The following WIPI2 variants were observed in gnomAD, a reference collection of about 807,000 sequenced individuals.
The protein encoded by WIPI2 is WD repeat domain, phosphoinositide interacting 2.
WIPI2 carries 28 observed loss-of-function variants against 52.3 expected under a neutral mutation model. The observed-to-expected ratio is 0.54, with a 90% CI of 0.40 to 0.73. The LOEUF (loss-of-function observed/expected upper bound fraction) is 0.73, where lower values mean the gene tolerates loss of function less well. Among genes scored for constraint, WIPI2 ranks in the 30% least tolerant of loss-of-function variants. The pLI is 0.00. For missense variants in WIPI2, 506 were observed against 602.9 expected (o/e 0.84, Z 1.68); for synonymous variants, 268 against 245.0 (o/e 1.09, Z -0.88).
At chr7:5,198,345 G>T (rs1274846406) in intron 2 of WIPI2, among the ~76,000 whole-genome samples, 3 of 149,216 alleles carry the variant, frequency 2.0e-5, no homozygotes, top group African/African-American at 5.0e-5. Context: ...TTGGAGTCTC[G>T]CTCTATCACC....
chr7:5,192,972 T>C (rs1018461002), intron 1 of WIPI2, 146 bp from the exon 2 acceptor site: 10 of 707,958 alleles, frequency 1.4e-5, no homozygotes, highest in Non-Finnish European at 2.1e-5. Context: ...ATTTGTTACA[T>C]ACCAAACTAT....
intron 7 of WIPI2, 105 bp from the exon 8 acceptor site, chr7:5,222,497 C>G: frequency 8.3e-7 from 1 of 1,199,130 alleles, no homozygotes; most frequent in Non-Finnish European, 1.2e-6. Context: ...CAGGGCAGAG[C>G]TGTCCTGGAG....
At position 5,190,315 on chromosome 7, in the gene WIPI2, G is replaced by A; in HGVS notation, c.-105G>A. The A allele has an allele frequency of 1.4e-6, 1 of 707,474 alleles. No homozygotes were observed. Among genetic ancestry groups the A allele is most frequent in the African/African-American group, 1.9e-5 (1 of 52,958 alleles). The allele number at this position is 707,474 out of a possible 1,614,324, so 43.8% of individuals were successfully genotyped here. ...GTTGATCCCAGGGTGGCGAGTGGCG[G>A]CGACCGAGGCGGCGAGCGGGGCCCG... On this transcript the variant is annotated 5_prime_UTR_variant, in exon 1 of 13. Transcript: ENST00000288828.
At chr7:5,202,970 G>A (rs1047450806) in intron 3 of WIPI2, among the ~76,000 whole-genome samples, 3 of 152,116 alleles carry the variant, frequency 2.0e-5, no homozygotes, top group Admixed American at 2.0e-4. Flanking sequence ...TGCTAAACTG[G>A]ATTCTGAGCT....
At chr7:5,208,662 T>C (rs1183137833) in intron 3 of WIPI2, among the ~76,000 whole-genome samples, 1 of 152,210 alleles carries the variant, frequency 6.6e-6, no homozygotes, top group Non-Finnish European at 1.5e-5. Context: ...TATTCCATCA[T>C]CATTTGTTGA....
rs1350955561 is a variant in WIPI2, at chr7:5,190,440, CG to C, written c.25del (p.Glu9ArgfsTer19). On this transcript the variant is annotated frameshift_variant, in exon 1 of 13. Coordinates refer to ENST00000288828, the MANE Select transcript of WIPI2 (RefSeq NM_015610.4). LOFTEE classifies it high-confidence loss of function. Reference protein sequence around the residue: MNLASQSGEAGAGQLLFA... With the variant: MNLASQSXEAGAGQLLFA... ...CAGCCATGAACCTGGCGAGCCAGAG[CG>C]GGGAGGCCGGCGCCGGCCAGCTGCT... 6.8e-7 allele frequency: 1 copy of C among 1,479,234 alleles called. No homozygotes were observed. Among genetic ancestry groups the C allele is most frequent in the Non-Finnish European group, 9.0e-7 (1 of 1,111,960 alleles). 91.6% of individuals were successfully genotyped at this position (1,479,234 alleles called of 1,614,324 possible). A position where few individuals can be genotyped will look rare whatever the true frequency, so the allele number is the denominator to read the frequency against.
chr7:5,215,412 A>G (rs1782765009), intron 4 of WIPI2, among the ~76,000 whole-genome samples: 1 of 152,282 alleles, frequency 6.6e-6, no homozygotes, highest in Non-Finnish European at 1.5e-5. Flanking sequence ...CTAAACTAAT[A>G]AGACTGTCTG....
rs574062937 is a variant in WIPI2 at position 5,223,873 on chromosome 7, C to A, written c.740+1201C>A. Among the ~76,000 whole-genome samples the A allele has an allele frequency of 1.4e-3, 212 of 152,348 alleles. No individual in the cohort carries two copies. The Middle Eastern group carries it at 0.017, about 12-fold the overall frequency. ...CATCCTTCCGCCTGAATGGTGCCTC[C>A]AGGGAGCTCCCACCTGTGGGCCCGC... is the stretch of plus-strand genomic sequence containing the variant. On this transcript the variant is annotated intron_variant, in intron 8 of 12. Coordinates refer to ENST00000288828, the MANE Select transcript of WIPI2 (RefSeq NM_015610.4).
At chr7:5,200,570 T>TC (rs397715687) in intron 3 of WIPI2, among the ~76,000 whole-genome samples, 1 of 151,718 alleles carries the variant, frequency 6.6e-6, no homozygotes, top group Admixed American at 6.6e-5. Flanking sequence ...TGTTTTTTTT[T>TC]GAGACGGAGT....
At chr7:5,214,897 G>A (rs1009359075) in intron 4 of WIPI2, among the ~76,000 whole-genome samples, 193 bp downstream of exon 4, 1 of 152,164 alleles carries the variant, frequency 6.6e-6, no homozygotes, top group African/African-American at 2.4e-5. Flanking sequence ...TTCCATTCAC[G>A]ACAAATGCCC....
In WIPI2 at chr7:5,227,084, G is replaced by C; in HGVS notation, c.849-96G>C. On this transcript the variant is annotated intron_variant, in intron 9 of 12. Coordinates refer to ENST00000288828, the MANE Select transcript of WIPI2 (RefSeq NM_015610.4). This position sits in a 1 kb window ranked among gnomAD's most constrained non-coding sequence, Gnocchi z 8.1. Reference sequence around the variant, plus strand: ...TTTCCTGTGAAGAATGGAGACTTTTGCTGTCGGCTCCAGAGCTGTGCGTCT... The same window carrying C: ...TTTCCTGTGAAGAATGGAGACTTTTCCTGTCGGCTCCAGAGCTGTGCGTCT... 2.0e-6 allele frequency: 3 copies of C among 1,500,166 alleles called. No homozygotes were observed. The highest frequency in any genetic ancestry group is 2.7e-6 in the Non-Finnish European group (3 of 1,109,690). The allele number at this position is 1,500,166 out of a possible 1,614,324, so 92.9% of individuals were successfully genotyped here. A position where few individuals can be genotyped will look rare whatever the true frequency, so the allele number is the denominator to read the frequency against.
At chr7:5,226,963 C>T in intron 9 of WIPI2, 2 of 587,582 alleles carry the variant, frequency 3.4e-6, no homozygotes, top group Admixed American at 3.2e-5. Flanking sequence ...TAGCTCCTCC[C>T]TGAAGCCTGA....
At chr7:5,212,377 C>T (rs1393113223) in intron 3 of WIPI2, among the ~76,000 whole-genome samples, 1 of 152,188 alleles carries the variant, frequency 6.6e-6, no homozygotes, top group Non-Finnish European at 1.5e-5. Context: ...CCAAGTACTA[C>T]CTGAGAATGG....
At chr7:5,197,118 C>CAA (rs869261081) in intron 2 of WIPI2, among the ~76,000 whole-genome samples, 837 of 41,128 alleles carry the variant, frequency 0.02, 23 homozygotes, top group African/African-American at 0.061. Context: ...TCTCAAAAAA[C>CAA]AAAAAAAAAA....
rs187623565 is a variant in WIPI2 at position 5,201,389 on chromosome 7, A to G, written c.211+1731A>G. On this transcript the variant is annotated intron_variant, in intron 3 of 12. Coordinates refer to ENST00000288828, the MANE Select transcript of WIPI2 (RefSeq NM_015610.4). ...AATTGAAGTTTAGTTACTGGCTTCT[A>G]GTGCCTTATTTCCCAGAGATTTTTA... 2.1e-3 allele frequency among the ~76,000 whole-genome samples: 327 copies of G among 152,338 alleles called. 2 individuals carry two copies. The highest frequency in any genetic ancestry group is 7.5e-3 in the African/African-American group (312 of 41,584).
chr7:5,209,909 T>C (rs555910974), intron 3 of WIPI2, among the ~76,000 whole-genome samples: 2 of 152,218 alleles, frequency 1.3e-5, no homozygotes, highest in South Asian at 2.1e-4. Flanking sequence ...TTTTTTTGTT[T>C]TGTTTTTTTG....
At chr7:5,226,052 C>G (rs879632233) in intron 9 of WIPI2, 122 bp downstream of exon 9, 3 of 967,898 alleles carry the variant, frequency 3.1e-6, no homozygotes, top group African/African-American at 1.6e-5. Flanking sequence ...GTGAAGACCC[C>G]GGAGCTGGCC....
intron 3 of WIPI2, among the ~76,000 whole-genome samples, chr7:5,209,906 GT>G (rs1030710998): frequency 1.6e-4 from 24 of 151,908 alleles, no homozygotes; most frequent in African/African-American, 4.1e-4. Flanking sequence ...TTCTTTTTTT[GT>G]TTTGTTTTTT....
At chr7:5,217,769 G>A (rs1782893834) in intron 6 of WIPI2, 153 bp from the exon 7 acceptor site, 2 of 722,308 alleles carry the variant, frequency 2.8e-6, no homozygotes, top group Non-Finnish European at 4.9e-6. Context: ...TTCCTTGGAT[G>A]CCCAGCCCCA....
Sources: gnomAD v4.1 joint callset for allele counts (sites outside exome capture counted in the v4.1 genomes callset) on GRCh38, gnomAD v4.1.1 for gene constraint, Gnocchi (gnomAD v3.1) non-coding constraint, MANE v1.5 for transcripts, NCBI Gene and HGNC (gene_info 2026-07-23, HGNC 2026-07-21) for gene names.